Variants in SDK1 observed in about 807,000 individuals in gnomAD.
SDK1 encodes sidekick cell adhesion molecule 1.
A neutral mutation model predicts 245.5 loss-of-function variants in SDK1; 157 were observed. The ratio of observed to expected loss-of-function variants is 0.64; its 90% confidence interval spans 0.56 to 0.73. The LOEUF is 0.73. Ranked by LOEUF, SDK1 falls within the 30% of genes least tolerant of loss-of-function variation. SDK1 has a pLI of 0.00. For synonymous variants in SDK1, 1,647 were observed against 1,278.5 expected (o/e 1.29, Z -6.15); for missense variants, 3,583 against 3,002.3 (o/e 1.19, Z -4.52).
intron 5 of SDK1, among the ~76,000 whole-genome samples, chr7:3,922,008 CCT>C (rs998956767): frequency 3.3e-5 from 5 of 152,136 alleles, no homozygotes; most frequent in African/African-American, 1.2e-4. Flanking sequence ...GATTCCAGCC[CCT>C]GTTACTCAGG....
chr7:4,240,579 C>T (rs1057383137), intron 42 of SDK1, among the ~76,000 whole-genome samples: 1 of 152,170 alleles, frequency 6.6e-6, no homozygotes, highest in African/African-American at 2.4e-5. Flanking sequence ...GGGGCCAGGT[C>T]CCAGCAGAGA....
At chr7:4,202,754 T>G (rs1185607405) in intron 35 of SDK1, among the ~76,000 whole-genome samples, 1 of 151,378 alleles carries the variant, frequency 6.6e-6, no homozygotes, top group Non-Finnish European at 1.5e-5. Flanking sequence ...CGTAGAACCG[T>G]TTTGTTTTGT....
At position 4,221,315 on chromosome 7, in the gene SDK1, C is replaced by T. The variant is rs145564775; in HGVS notation, c.5778C>T (p.His1926=). ...TGACGCTGCAGTGGACTGAGGGACA[C>T]TCTGGCGACACACCTACCACGGGCT... ...SELTLQWTEG[H]SGDTPTTGYV... The change falls in exon 40 of 45, where the codon CAC becomes CAT. Residue 1926 remains histidine, a synonymous_variant. Coordinates refer to ENST00000404826, the MANE Select transcript of SDK1 (RefSeq NM_152744.4). 508 of 1,613,542 alleles carry T rather than the reference C, an allele frequency of 3.1e-4. 4 individuals are homozygous for T. The South Asian group carries it at 4.1e-3, about 13-fold the overall frequency.
chr7:3,962,942 C>T lies in SDK1; in HGVS notation c.1429+91C>T, dbSNP rs544150520. ...GCTACCTGGATGTAACCAGTGGGTA[C>T]ACCCAGGCTCACAGCTACCTGACCT... On this transcript the variant is annotated intron_variant, in intron 9 of 44. Coordinates refer to ENST00000404826, the MANE Select transcript of SDK1 (RefSeq NM_152744.4). The T allele has an allele frequency of 6.5e-4, 324 of 498,610 alleles. 3 individuals are homozygous for T. The South Asian group carries it at 6.6e-3, about 10-fold the overall frequency. 30.9% of individuals were successfully genotyped at this position (498,610 alleles called of 1,614,324 possible).
At chr7:3,483,285 T>A (rs2128602788) in intron 1 of SDK1, among the ~76,000 whole-genome samples, 1 of 152,352 alleles carries the variant, frequency 6.6e-6, no homozygotes, top group Middle Eastern at 3.4e-3. Flanking sequence ...TAGTCAAGTT[T>A]TATAGTTGTC....
At chr7:3,880,856 G>A (rs1186578797) in intron 5 of SDK1, among the ~76,000 whole-genome samples, 6 of 152,054 alleles carry the variant, frequency 3.9e-5, no homozygotes, top group African/African-American at 1.2e-4. Flanking sequence ...GCACTTGTTA[G>A]GAAATCTTTA....
At chr7:3,494,047 AT>A (rs201456950) in intron 1 of SDK1, among the ~76,000 whole-genome samples, 40 of 149,742 alleles carry the variant, frequency 2.7e-4, no homozygotes, top group Admixed American at 3.3e-4. Context: ...GAAAAGTCAG[AT>A]TTTTTTTTTA....
chr7:3,829,356 A>T (rs1779858407), intron 5 of SDK1, among the ~76,000 whole-genome samples: 2 of 152,212 alleles, frequency 1.3e-5, no homozygotes, highest in South Asian at 4.1e-4. Context: ...AAGGGCATAC[A>T]GAGAGGAGAA....
chr7:4,174,813 C>G (rs1050607622), intron 33 of SDK1, among the ~76,000 whole-genome samples: 1 of 152,132 alleles, frequency 6.6e-6, no homozygotes, highest in African/African-American at 2.4e-5. Context: ...GCGCCATGAT[C>G]GTTGCTCTGA....
At chr7:3,534,980 G>A (rs927494355) in intron 1 of SDK1, among the ~76,000 whole-genome samples, 1 of 152,194 alleles carries the variant, frequency 6.6e-6, no homozygotes, top group South Asian at 2.1e-4. Flanking sequence ...AGCCTTCCCC[G>A]TGGGCTGTGT....
intron 28 of SDK1, among the ~76,000 whole-genome samples, chr7:4,139,375 GTATATA>G (rs1419654746): frequency 6.6e-6 from 1 of 152,046 alleles, no homozygotes; most frequent in East Asian, 1.9e-4. Flanking sequence ...ATATATGTGT[GTATATA>G]TGTACGTGTG....
chr7:4,046,622 T>C (rs994593960), intron 17 of SDK1, among the ~76,000 whole-genome samples: 1 of 152,234 alleles, frequency 6.6e-6, no homozygotes, highest in Admixed American at 6.5e-5. Flanking sequence ...ATTTCTTGCC[T>C]GTCTTCTCTG....
intron 5 of SDK1, among the ~76,000 whole-genome samples, chr7:3,884,075 G>GTT (rs1245065311): frequency 7.2e-6 from 1 of 138,976 alleles, no homozygotes; most frequent in Non-Finnish European, 1.6e-5. Context: ...TTGTTTGTTT[G>GTT]TTTTTTTGTT....
chr7:4,127,630 T>C, intron 26 of SDK1, 134 bp downstream of exon 26: 2 of 670,612 alleles, frequency 3.0e-6, no homozygotes, highest in Non-Finnish European at 5.4e-6. Flanking sequence ...GTGATTTTTA[T>C]TAAGATATTC....
intron 1 of SDK1, among the ~76,000 whole-genome samples, chr7:3,414,093 C>G (rs1779292485): frequency 6.6e-6 from 1 of 152,080 alleles, no homozygotes; most frequent in Admixed American, 6.6e-5. Context: ...ATAGCTATGC[C>G]TTGGAAGACA....
chr7:4,050,417 C>T (rs1789362506), intron 18 of SDK1, among the ~76,000 whole-genome samples: 2 of 152,338 alleles, frequency 1.3e-5, no homozygotes, highest in African/African-American at 4.8e-5. Context: ...CTTTTGCCTT[C>T]TTCCCTCTCC....
chr7:4,211,411 C>T (rs1347593589), intron 38 of SDK1, among the ~76,000 whole-genome samples: 2 of 150,726 alleles, frequency 1.3e-5, no homozygotes, highest in East Asian at 2.0e-4. Flanking sequence ...TACAGGAGAG[C>T]GGCGAGAAGG....
chr7:3,924,170 A>G lies in SDK1; in HGVS notation c.848-26753A>G, dbSNP rs191227043. ...TGTTGTAACCATCCAGGTGGGGATGAGGAGGGTCTGGCATTGGGGATGGGG... is the reference window on the plus strand; with the variant it reads ...TGTTGTAACCATCCAGGTGGGGATGGGGAGGGTCTGGCATTGGGGATGGGG... On this transcript the variant is annotated intron_variant, in intron 5 of 44. Coordinates refer to ENST00000404826, the MANE Select transcript of SDK1 (RefSeq NM_152744.4). Among the ~76,000 whole-genome samples, 377 of 151,526 alleles carry G rather than the reference A, an allele frequency of 2.5e-3. 1 individual carries two copies. Among genetic ancestry groups the G allele is most frequent in the African/African-American group, 8.8e-3 (364 of 41,234 alleles).
intron 2 of SDK1, among the ~76,000 whole-genome samples, chr7:3,632,584 C>G (rs11980438): frequency 6.6e-6 from 1 of 152,080 alleles, no homozygotes; most frequent in East Asian, 1.9e-4. Context: ...TGTTTATTGC[C>G]CTTCTCAAGT....
Sources: gnomAD v4.1 joint callset for allele counts (sites outside exome capture counted in the v4.1 genomes callset) on GRCh38, gnomAD v4.1.1 for gene constraint, MANE v1.5 for transcripts, NCBI Gene and HGNC (gene_info 2026-07-23, HGNC 2026-07-21) for gene names.